The following JAG2 variants were observed in gnomAD, a reference collection of about 807,000 sequenced individuals.
JAG2 encodes jagged canonical Notch ligand 2, also known as protein jagged-2.
In JAG2, 46 loss-of-function variants were observed where a neutral mutation model predicts 141.7. The ratio of observed to expected loss-of-function variants is 0.32; its 90% CI spans 0.26 to 0.42. JAG2 has a LOEUF of 0.42. Among genes scored for constraint, JAG2 ranks in the 10% least tolerant of loss-of-function variants. The probability of loss-of-function intolerance (pLI) is 1.00; values close to 1 mark genes in which losing one functional copy is unlikely to be tolerated. For missense variants in JAG2, 1,500 were observed against 1,817.5 expected (o/e 0.83, Z 3.18); for synonymous variants, 862 against 763.5 (o/e 1.13, Z -2.13).
Position 105,167,745 on chromosome 14 carries a change from G to A in JAG2, c.417+12C>T. 1 of 1,450,806 alleles carries A rather than the reference G, an allele frequency of 6.9e-7. No individual in the cohort carries two copies. The highest frequency in any genetic ancestry group is 9.1e-7 in the Non-Finnish European group (1 of 1,103,196). The allele number at this position is 1,450,806 out of a possible 1,614,324, so 89.9% of individuals were successfully genotyped here. ...GGGAAGGGCTGGAGCACGAGGGATG[G>A]AGCGCACGTACCGGCCAGGCGAACT... On this transcript the variant is annotated intron_variant, in intron 2 of 25. Transcript: ENST00000331782. This position sits in a 1 kb window ranked among gnomAD's most constrained non-coding sequence, Gnocchi z 4.8.
Position 105,167,016 on chromosome 14 carries a change from C to T in JAG2, c.417+741G>A, listed in dbSNP as rs1255194136. ...CCCACTGGGATGAGTACCTGTTTCC[C>T]AGTGACACTGGACCCCTACCACCCC... On this transcript the variant is annotated intron_variant, in intron 2 of 25. Transcript: ENST00000331782. This position sits in a 1 kb window ranked among gnomAD's most constrained non-coding sequence, Gnocchi z 4.8. Among the ~76,000 whole-genome samples the T allele has an allele frequency of 6.6e-6, 1 of 152,184 alleles. No homozygotes were observed. Among genetic ancestry groups the T allele is most frequent in the Non-Finnish European group, 1.5e-5 (1 of 68,024 alleles).
chr14:105,168,004 G>T lies in JAG2; in HGVS notation c.170C>A (p.Thr57Lys), dbSNP rs766765476. ...GTCGTGGCCGCAGCCCCCCGCGCGC[G>T]TTGTCCGGCCGTCGCCGTCACAGCA... ...GACCDGDGRT[T>K]RAGGCGHDEC... The change falls in exon 2 of 26, where the codon ACG becomes AAG. Residue 57 changes from threonine (T) to lysine (K), a missense_variant. Physicochemically the swap from Thr to Lys is moderately conservative, Grantham distance 78. Coordinates refer to ENST00000331782, the MANE Select transcript of JAG2 (RefSeq NM_002226.5). The T allele has an allele frequency of 7.5e-6, 12 of 1,600,272 alleles. No homozygotes were observed. The highest frequency in any genetic ancestry group is 8.5e-6 in the Non-Finnish European group (10 of 1,177,220).
Position 105,168,470 on chromosome 14 carries a change from C to A in JAG2, c.-50G>T, listed in dbSNP as rs1425897018. 1 of 518,522 alleles carries A rather than the reference C, an allele frequency of 1.9e-6. No individual in the cohort carries two copies. The highest frequency in any genetic ancestry group is 2.1e-5 in the African/African-American group (1 of 47,642). The allele number at this position is 518,522 out of a possible 1,614,324, so 32.1% of individuals were successfully genotyped here. On this transcript the variant is annotated 5_prime_UTR_variant, in exon 1 of 26. Coordinates refer to ENST00000331782, the MANE Select transcript of JAG2 (RefSeq NM_002226.5). The stretch of plus-strand genomic sequence containing the variant: ...CCCCGCCGCCGCCGCCCGCGCCCGG[C>A]TCCCAGCCGCCGCGCCGGCCTCCCA...
At chr14:105,157,476 C>CAA (rs1888614974) in intron 3 of JAG2, among the ~76,000 whole-genome samples, 1 of 152,132 alleles carries the variant, frequency 6.6e-6, no homozygotes, top group African/African-American at 2.4e-5. Flanking sequence ...AAGAGCACAC[C>CAA]CAAGAGGAGA....
In JAG2 at chr14:105,167,606, A is replaced by G. The variant is rs1381202845; in HGVS notation, c.417+151T>C. On this transcript the variant is annotated intron_variant, in intron 2 of 25. Transcript: ENST00000331782. The surrounding 1 kb of genome is among the most constrained non-coding windows in gnomAD (Gnocchi z 4.8). ...GTGGCCAGGCGCGGACCAAGTCCCC[A>G]GAGCACGCGCCCCCTGCCGGCCCCG... 4 of 891,434 alleles carry G rather than the reference A, an allele frequency of 4.5e-6. No homozygotes were observed. The highest frequency in any genetic ancestry group is 3.6e-5 in the African/African-American group (2 of 55,380). 55.2% of individuals were successfully genotyped at this position (891,434 alleles called of 1,614,324 possible). A position where few individuals can be genotyped will look rare whatever the true frequency, so the allele number is the denominator to read the frequency against.
Position 105,167,884 on chromosome 14 carries a change from A to T in JAG2, c.290T>A (p.Val97Glu). Residue 97 changes from valine (V) to glutamate (E), a missense_variant, in exon 2 of 26, where the codon GTG becomes GAG. Coordinates refer to ENST00000331782, the MANE Select transcript of JAG2 (RefSeq NM_002226.5). The surrounding 1 kb of genome is among the most constrained non-coding windows in gnomAD (Gnocchi z 4.8). Reference sequence around the variant, plus strand: ...CAGGTAGAAGGAGTTGCCGCCCAGCACGGGCGTGGCGCCGTGGCCGTAGCT... The same window carrying T: ...CAGGTAGAAGGAGTTGCCGCCCAGCTCGGGCGTGGCGCCGTGGCCGTAGCT... ...PCSYGHGATPVLGGNSFYLPP... is the reference protein window; with the variant it reads ...PCSYGHGATPELGGNSFYLPP... 6.3e-7 allele frequency: 1 copy of T among 1,576,770 alleles called. No homozygotes were observed. The highest frequency in any genetic ancestry group is 8.6e-7 in the Non-Finnish European group (1 of 1,167,728).
Position 105,151,987 on chromosome 14 carries a change from C to T in JAG2, c.990G>A (p.Gln330=). ...AGCCGTCAGGGCAGGTGCAGCGGTA[C>T]TGGTCAGGCTCGGCGTTGATGCACG... ...GGTCINAEPD[Q]YRCTCPDGYS... Residue 330 remains glutamine, a synonymous_variant, in exon 7 of 26, where the codon CAG becomes CAA. Transcript: ENST00000331782. 3 of 1,613,378 alleles carry T rather than the reference C, an allele frequency of 1.9e-6. No homozygotes were observed. Among genetic ancestry groups the T allele is most frequent in the Non-Finnish European group, 1.7e-6 (2 of 1,180,002 alleles).
chr14:105,153,892 G>T (rs773908003), intron 5 of JAG2, among the ~76,000 whole-genome samples: 1 of 152,020 alleles, frequency 6.6e-6, no homozygotes, highest in Non-Finnish European at 1.5e-5. Flanking sequence ...TGGGCCAGGC[G>T]AGGGTGAGTG....
intron 8 of JAG2, 44 bp downstream of exon 8, chr14:105,151,579 CCCA>C (rs1888433183): frequency 2.7e-6 from 4 of 1,488,092 alleles, no homozygotes; most frequent in Non-Finnish European, 9.2e-7. Context: ...CTCCCAGACC[CCCA>C]CTGATACTAG....
At chr14:105,165,280 A>C (rs1449152334) in intron 2 of JAG2, among the ~76,000 whole-genome samples, 1 of 152,166 alleles carries the variant, frequency 6.6e-6, no homozygotes, top group Non-Finnish European at 1.5e-5. Context: ...TGCTGCCCCC[A>C]GCATGACACT....
intron 2 of JAG2, among the ~76,000 whole-genome samples, chr14:105,165,201 C>T (rs1045427053): frequency 6.6e-6 from 1 of 152,140 alleles, no homozygotes; most frequent in African/African-American, 2.4e-5. Flanking sequence ...CTGCCACCAC[C>T]CTGCTCCTCC....
Position 105,141,781 on chromosome 14 carries a change from T to C in JAG2, c.*914A>G, listed in dbSNP as rs1815932178. ...CAAATATACAGAGTGCTTCCTTTAATATGTACACATTTACAAAAATGCACT... is the reference window on the plus strand; with the variant it reads ...CAAATATACAGAGTGCTTCCTTTAACATGTACACATTTACAAAAATGCACT... On this transcript the variant is annotated 3_prime_UTR_variant, in exon 26 of 26. Transcript: ENST00000331782. The C allele has an allele frequency of 1.3e-5, 2 of 152,504 alleles. No homozygotes were observed. The highest frequency in any genetic ancestry group is 2.9e-5 in the Non-Finnish European group (2 of 68,070). The allele number at this position is 152,504 out of a possible 1,614,324, so 9.4% of individuals were successfully genotyped here. A position where few individuals can be genotyped will look rare whatever the true frequency, so the allele number is the denominator to read the frequency against.
rs766852628 is a variant in JAG2, at chr14:105,143,582, G to A, written c.3141C>T (p.His1047=). The stretch of plus-strand genomic sequence containing the variant: ...GCTGGGTGATGGCGGCCACGATGGC[G>A]TGGGCCGCGCCCTGGATCAGGCTGC... ...PDSSLIQGAA[H]AIVAAITQRG... The change falls in exon 25 of 26, where the codon CAC becomes CAT. Residue 1047 remains histidine (H), a synonymous_variant. Transcript: ENST00000331782. 143 of 1,605,980 alleles carry A rather than the reference G, an allele frequency of 8.9e-5. No individual in the cohort carries two copies. Among genetic ancestry groups the A allele is most frequent in the Admixed American group, 1.7e-4 (10 of 59,316 alleles).
rs1484198188 is a variant in JAG2 at position 105,142,981 on chromosome 14, T to C, written c.3431A>G (p.His1144Arg). 1 of 1,609,714 alleles carries C rather than the reference T, an allele frequency of 6.2e-7. No homozygotes were observed. The highest frequency in any genetic ancestry group is 8.5e-7 in the Non-Finnish European group (1 of 1,179,266). Residue 1144 changes from histidine (H) to arginine (R), a missense_variant, in exon 26 of 26, where the codon CAC becomes CGC. By Grantham distance (29) the His-to-Arg change is conservative. This residue lies in a region of JAG2 where 425 missense variants were observed against 441.0 expected (regional missense o/e 0.96). Coordinates refer to ENST00000331782, the MANE Select transcript of JAG2 (RefSeq NM_002226.5). ...IRNPIERPGG[H>R]KDVLYQCKNF... ...CTTGCACTGGTAGAGCACGTCCTTG[T>C]GGCCCCCCGGCCGCTCAATGGGGTT...
rs56753050 is a variant in JAG2, at chr14:105,142,786, G to A, written c.3626C>T (p.Pro1209Leu). The A allele has an allele frequency of 2.1e-5, 34 of 1,610,934 alleles. No individual in the cohort carries two copies. Among genetic ancestry groups the A allele is most frequent in the Admixed American group, 3.3e-5 (2 of 59,908 alleles). Residue 1209 changes from proline (P) to leucine (L), a missense_variant, in exon 26 of 26, where the codon CCG becomes CTG. Pro to Leu is a moderately conservative substitution (Grantham distance 98). Transcript: ENST00000331782. ...HKFTKDPGRS[P>L]GRPAHWASGP... ...TGAGGCCCAGTGGGCCGGCCTCCCC[G>A]GCGAGCGGCCAGGATCTTTGGTGAA...
rs926065150 is a variant in JAG2, at chr14:105,168,326, ACCCCCGCCG to A, written c.66+20_66+28del. On this transcript the variant is annotated intron_variant, in intron 1 of 25. Coordinates refer to ENST00000331782, the MANE Select transcript of JAG2 (RefSeq NM_002226.5). ...GGCGGCCCGGTGTGCCCCGTCCGCGACCCCCGCCGCCCCCGCCGCCCCGCTCACCTGCAC... is the reference window on the plus strand; with the variant it reads ...GGCGGCCCGGTGTGCCCCGTCCGCGACCCCCGCCGCCCCGCTCACCTGCAC... 9.6e-5 allele frequency: 42 copies of A among 439,256 alleles called. No homozygotes were observed. The highest frequency in any genetic ancestry group is 1.3e-4 in the Admixed American group (2 of 15,964). 27.2% of individuals were successfully genotyped at this position (439,256 alleles called of 1,614,324 possible).
In JAG2 at chr14:105,167,362, G is replaced by T. The variant is rs1327466909; in HGVS notation, c.417+395C>A. On this transcript the variant is annotated intron_variant, in intron 2 of 25. Transcript: ENST00000331782. This position sits in a 1 kb window ranked among gnomAD's most constrained non-coding sequence, Gnocchi z 4.8. ...GCAGGCTGGCCACGGGCCCGGGGCG[G>T]CTCAGTCAGGGCCTGCCCTAGACCA... 1.3e-5 allele frequency among the ~76,000 whole-genome samples: 2 copies of T among 151,862 alleles called. No homozygotes were observed. Among genetic ancestry groups the T allele is most frequent in the Non-Finnish European group, 2.9e-5 (2 of 67,914 alleles).
chr14:105,147,642 G>T, intron 18 of JAG2, 115 bp from the exon 19 acceptor site: 2 of 1,213,084 alleles, frequency 1.6e-6, no homozygotes, highest in South Asian at 1.3e-5. Flanking sequence ...TCATCAAGGA[G>T]GGTGCCTTTT....
At position 105,152,171 on chromosome 14, in the gene JAG2, G is replaced by A. The variant is rs1329937689; in HGVS notation, c.909C>T (p.Leu303=). The part of the protein sequence containing the change: ...CNCETNWGGL[L]CDKDLNYCGS... ...GCCCCCTACCACTACCTTTGTCACAGAGCAGGCCGCCCCAGTTGGTCTCAC... is the reference window on the plus strand; with the variant it reads ...GCCCCCTACCACTACCTTTGTCACAAAGCAGGCCGCCCCAGTTGGTCTCAC... Residue 303 remains leucine, a synonymous_variant, in exon 6 of 26, where the codon CTC becomes CTT. Transcript: ENST00000331782. The A allele has an allele frequency of 8.1e-6, 13 of 1,613,660 alleles. No homozygotes were observed. Among genetic ancestry groups the A allele is most frequent in the Admixed American group, 1.7e-5 (1 of 60,010 alleles).
Sources: gnomAD v4.1 joint callset for allele counts (sites outside exome capture counted in the v4.1 genomes callset) on GRCh38, gnomAD v4.1.1 for gene constraint, gnomAD v4.1.1 regional missense constraint, Gnocchi (gnomAD v3.1) non-coding constraint, MANE v1.5 for transcripts, NCBI Gene and HGNC (gene_info 2026-07-23, HGNC 2026-07-21) for gene names.